Variants in MUC17 observed in about 807,000 individuals in gnomAD.
MUC17 encodes mucin-17.
A neutral mutation model predicts 170.3 loss-of-function variants in MUC17; 190 were observed. The ratio of observed to expected loss-of-function variants is 1.12; its 90% CI spans 0.99 to 1.26. MUC17 has a LOEUF of 1.26. Ranked by LOEUF, MUC17 falls within the 50% of genes most tolerant of loss-of-function variation. The probability of loss-of-function intolerance (pLI) is 0.00; values close to 1 mark genes in which losing one functional copy is unlikely to be tolerated. For missense variants in MUC17, 6,415 were observed against 5,530.0 expected (o/e 1.16, Z -5.08); for synonymous variants, 2,325 against 2,002.5 (o/e 1.16, Z -4.30).
At position 101,032,947 on chromosome 7, in the gene MUC17, A is replaced by C; in HGVS notation, c.1531A>C (p.Thr511Pro). ...AACCTCAACTCCTAGTGAAGGAAGCACTCCATTAACAAGTATGTCTGTCAG... is the reference window on the plus strand; with the variant it reads ...AACCTCAACTCCTAGTGAAGGAAGCCCTCCATTAACAAGTATGTCTGTCAG... ...MPTSTPSEGS[T>P]PLTSMSVSTM... The change falls in exon 3 of 13, where the codon ACT (threonine) becomes CCT (proline). Residue 511 changes from threonine (T) to proline (P), a missense_variant. Physicochemically the swap from Thr to Pro is conservative, Grantham distance 38. Transcript: ENST00000306151. The C allele has an allele frequency of 1.2e-6, 2 of 1,613,900 alleles. No homozygotes were observed. The highest frequency in any genetic ancestry group is 1.7e-6 in the Non-Finnish European group (2 of 1,179,996).
intron 1 of MUC17, among the ~76,000 whole-genome samples, chr7:101,029,241 A>T (rs1794234641): frequency 6.6e-6 from 1 of 151,736 alleles, no homozygotes; most frequent in Admixed American, 6.6e-5. Flanking sequence ...CTGTAATCCC[A>T]GCTACTCAGG....
chr7:101,048,644 G>A (rs543081104), intron 4 of MUC17, among the ~76,000 whole-genome samples: 58 of 150,222 alleles, frequency 3.9e-4, no homozygotes, highest in Admixed American at 3.3e-3. Flanking sequence ...AAAGAAAGAG[G>A]GAAAGAGATA....
At position 101,037,398 on chromosome 7, in the gene MUC17, C is replaced by T. The variant is rs1794521682; in HGVS notation, c.5982C>T (p.Thr1994=). Residue 1994 remains threonine (T), a synonymous_variant, in exon 3 of 13, where the codon ACC becomes ACT. Coordinates refer to ENST00000306151, the MANE Select transcript of MUC17 (RefSeq NM_001040105.2). ...STPLTSMPLS[T]TLVVSSEAST... is the part of the protein sequence containing the mutation. Reference sequence around the variant, plus strand: ...CACTAACAAGTATGCCTCTCAGCACCACGCTGGTGGTCAGTTCTGAGGCTA... The same window carrying T: ...CACTAACAAGTATGCCTCTCAGCACTACGCTGGTGGTCAGTTCTGAGGCTA... The T allele has an allele frequency of 6.2e-7, 1 of 1,613,544 alleles. No homozygotes were observed.
At position 101,039,052 on chromosome 7, in the gene MUC17, G is replaced by C; in HGVS notation, c.7636G>C (p.Val2546Leu). Reference sequence around the variant, plus strand: ...AACTCCTGTTGACTCCAACAGTCCTGTGGTCACTTCTACTGAAATCAGTTC... The same window carrying C: ...AACTCCTGTTGACTCCAACAGTCCTCTGGTCACTTCTACTGAAATCAGTTC... ...STTPVDSNSP[V>L]VTSTEISSSA... Residue 2546 changes from valine (V) to leucine (L), a missense_variant, in exon 3 of 13, where the codon GTG (valine) becomes CTG (leucine). By Grantham distance (32) the Val-to-Leu change is conservative. Coordinates refer to ENST00000306151, the MANE Select transcript of MUC17 (RefSeq NM_001040105.2). 1 of 1,613,652 alleles carries C rather than the reference G, an allele frequency of 6.2e-7. No individual in the cohort carries two copies. The highest frequency in any genetic ancestry group is 8.5e-7 in the Non-Finnish European group (1 of 1,179,928).
Position 101,040,170 on chromosome 7 carries a change from G to T in MUC17, c.8754G>T (p.Met2918Ile). 1 of 1,612,062 alleles carries T rather than the reference G, an allele frequency of 6.2e-7. No individual in the cohort carries two copies. Residue 2918 changes from methionine (M) to isoleucine (I), a missense_variant, in exon 3 of 13, where the codon ATG becomes ATT. Transcript: ENST00000306151. ...SSPTTAEGTS[M>I]PISTPSEVST... Reference sequence around the variant, plus strand: ...CTACAACTGCTGAAGGTACCAGCATGCCAATCTCAACTCCTAGTGAAGTAA... The same window carrying T: ...CTACAACTGCTGAAGGTACCAGCATTCCAATCTCAACTCCTAGTGAAGTAA...
chr7:101,052,406 CAA>C (rs1049438941), intron 9 of MUC17, among the ~76,000 whole-genome samples: 3 of 152,140 alleles, frequency 2.0e-5, no homozygotes, highest in African/African-American at 7.2e-5. Flanking sequence ...TAAACAGAAC[CAA>C]AGAGAGAGAA....
rs765739979 is a variant in MUC17 at position 101,035,834 on chromosome 7, G to C, written c.4418G>C (p.Ser1473Thr). Residue 1473 changes from serine (S) to threonine (T), a missense_variant, in exon 3 of 13, where the codon AGC becomes ACC. Transcript: ENST00000306151. ...ACGCCGGTGGCCAATTCTGAGGCTA[G>C]CACCCTTTCAACAACTCCTGTTGAC... ...SNTPVANSEA[S>T]TLSTTPVDSN... 8 of 1,599,674 alleles carry C rather than the reference G, an allele frequency of 5.0e-6. No homozygotes were observed. Among genetic ancestry groups the C allele is most frequent in the Non-Finnish European group, 6.8e-6 (8 of 1,171,918 alleles).
rs753616005 is a variant in MUC17 at position 101,034,183 on chromosome 7, A to G, written c.2767A>G (p.Ser923Gly). ...SMPTSTPGEG[S>G]TPLTSMPDST... Reference sequence around the variant, plus strand: ...GCCAACCTCAACTCCTGGGGAAGGAAGCACTCCATTAACAAGTATGCCTGA... The same window carrying G: ...GCCAACCTCAACTCCTGGGGAAGGAGGCACTCCATTAACAAGTATGCCTGA... The change falls in exon 3 of 13, where the codon AGC becomes GGC. Residue 923 changes from serine (S) to glycine (G), a missense_variant. Coordinates refer to ENST00000306151, the MANE Select transcript of MUC17 (RefSeq NM_001040105.2). The G allele has an allele frequency of 6.3e-7, 1 of 1,585,880 alleles. No homozygotes were observed. Among genetic ancestry groups the G allele is most frequent in the Non-Finnish European group, 8.6e-7 (1 of 1,164,612 alleles).
In MUC17 at chr7:101,040,941, G is replaced by A; in HGVS notation, c.9525G>A (p.Leu3175=). Residue 3175 remains leucine (L), a synonymous_variant, in exon 3 of 13, where the codon CTG becomes CTA. Transcript: ENST00000306151. ...PLTYMPVSTM[L]VVSSEDSTLS... is the part of the protein sequence containing the mutation. ...CATATATGCCTGTCAGCACCATGCT[G>A]GTAGTCAGTTCTGAGGATAGCACCC... The A allele has an allele frequency of 6.2e-7, 1 of 1,613,286 alleles. No homozygotes were observed. The highest frequency in any genetic ancestry group is 8.5e-7 in the Non-Finnish European group (1 of 1,179,828).
Position 101,032,591 on chromosome 7 carries a change from G to A in MUC17, c.1175G>A (p.Ser392Asn). 1.9e-6 allele frequency: 3 copies of A among 1,613,978 alleles called. No homozygotes were observed. Among genetic ancestry groups the A allele is most frequent in the Non-Finnish European group, 2.5e-6 (3 of 1,179,976 alleles). Residue 392 changes from serine (S) to asparagine (N), a missense_variant, in exon 3 of 13, where the codon AGC becomes AAC. Coordinates refer to ENST00000306151, the MANE Select transcript of MUC17 (RefSeq NM_001040105.2). ...CTAACCTCAACTCTTAGTGAAGGAA[G>A]CACTCCATTAACAAATATGCCTGTC... is the stretch of plus-strand genomic sequence containing the variant. ...SMLTSTLSEG[S>N]TPLTNMPVST...
Position 101,032,009 on chromosome 7 carries a change from C to T in MUC17, c.593C>T (p.Pro198Leu). The T allele has an allele frequency of 1.2e-6, 2 of 1,614,196 alleles. No homozygotes were observed. The highest frequency in any genetic ancestry group is 8.5e-7 in the Non-Finnish European group (1 of 1,180,040). The change falls in exon 3 of 13, where the codon CCT becomes CTT. Residue 198 changes from proline to leucine, a missense_variant. Transcript: ENST00000306151. Reference sequence around the variant, plus strand: ...ACTTCTACTCAGGCAAGTTCATCTCCTACTACTCCTGAAAGCACCACCATA... The same window carrying T: ...ACTTCTACTCAGGCAAGTTCATCTCTTACTACTCCTGAAAGCACCACCATA... Reference protein sequence around the residue: ...LTTSTQASSSPTTPESTTIPK... With the variant: ...LTTSTQASSSLTTPESTTIPK...
At position 101,035,714 on chromosome 7, in the gene MUC17, C is replaced by A. The variant is rs772805651; in HGVS notation, c.4298C>A (p.Ala1433Asp). 5 of 1,608,668 alleles carry A rather than the reference C, an allele frequency of 3.1e-6. No individual in the cohort carries two copies. Among genetic ancestry groups the A allele is most frequent in the African/African-American group, 1.3e-5 (1 of 74,822 alleles). ...TSTPGTTSAE[A>D]TSSPTTAEGI... ...ACCCCTGGGACCACTTCTGCTGAAG[C>A]CACTTCATCTCCTACAACTGCTGAA... The change falls in exon 3 of 13, where the codon GCC becomes GAC. Residue 1433 changes from alanine to aspartate, a missense_variant. Coordinates refer to ENST00000306151, the MANE Select transcript of MUC17 (RefSeq NM_001040105.2).
chr7:101,048,174 G>A (rs1312970700), intron 4 of MUC17, 59 bp downstream of exon 4: 4 of 1,476,992 alleles, frequency 2.7e-6, no homozygotes, highest in Admixed American at 4.8e-5. Flanking sequence ...CTCCATACAA[G>A]CAACAGTTCC....
At position 101,043,796 on chromosome 7, in the gene MUC17, C is replaced by T. The variant is rs543282250; in HGVS notation, c.12380C>T (p.Pro4127Leu). Residue 4127 changes from proline to leucine, a missense_variant, in exon 3 of 13, where the codon CCT (proline) becomes CTT (leucine). Physicochemically the swap from Pro to Leu is moderately conservative, Grantham distance 98. Coordinates refer to ENST00000306151, the MANE Select transcript of MUC17 (RefSeq NM_001040105.2). ...ATTAAGAGCAACCCCACCTCAACTC[C>T]TACTGTGCCAAGAACCACAACATGT... ...TTIKSNPTST[P>L]TVPRTTTCFG... is the part of the protein sequence containing the mutation. 6.2e-7 allele frequency: 1 copy of T among 1,605,900 alleles called. No individual in the cohort carries two copies. Among genetic ancestry groups the T allele is most frequent in the Non-Finnish European group, 8.5e-7 (1 of 1,174,738 alleles).
In MUC17 at chr7:101,024,399, C is replaced by CA. The variant is rs71126353; in HGVS notation, c.82+4194dup. ...TGGGCGACAAAGTGAGACTCTATCT[C>CA]AAAAAAAAAAAAGAAAAAGAAGAAA... On this transcript the variant is annotated intron_variant, in intron 1 of 12. Coordinates refer to ENST00000306151, the MANE Select transcript of MUC17 (RefSeq NM_001040105.2). 3.5e-3 allele frequency among the ~76,000 whole-genome samples: 480 copies of CA among 138,478 alleles called. 2 individuals are homozygous for CA. Among genetic ancestry groups the CA allele is most frequent in the African/African-American group, 7.9e-3 (304 of 38,614 alleles). The allele number at this position is 138,478 out of a possible 152,430, so 90.8% of individuals were successfully genotyped here.
rs200628770 is a variant in MUC17 at position 101,033,165 on chromosome 7, C to G, written c.1749C>G (p.Val583=). Residue 583 remains valine, a synonymous_variant, in exon 3 of 13, where the codon GTC becomes GTG. Coordinates refer to ENST00000306151, the MANE Select transcript of MUC17 (RefSeq NM_001040105.2). ...TNMPVSTRLV[V]SSEASTTSTT... ...TGCCTGTCAGCACCAGGCTGGTGGT[C>G]AGTTCTGAGGCTAGCACCACTTCAA... The G allele has an allele frequency of 2.5e-6, 4 of 1,612,204 alleles. No individual in the cohort carries two copies. The African/African-American group carries it at 5.3e-5, about 22-fold the overall frequency.
rs1269689345 is a variant in MUC17 at position 101,033,455 on chromosome 7, C to T, written c.2039C>T (p.Thr680Ile). 3.7e-6 allele frequency: 6 copies of T among 1,613,214 alleles called. No homozygotes were observed. In the African/African-American group the frequency reaches 5.3e-5, roughly 14 times the overall value. Residue 680 changes from threonine (T) to isoleucine (I), a missense_variant, in exon 3 of 13, where the codon ACC becomes ATC. By Grantham distance (89) the Thr-to-Ile change is moderately conservative. Transcript: ENST00000306151. ...ACTGCGGAAGGTACCAGCATGCCAACCTCAACTTATACTGAAGGAAGCACT... is the reference window on the plus strand; with the variant it reads ...ACTGCGGAAGGTACCAGCATGCCAATCTCAACTTATACTGAAGGAAGCACT... ...STTAEGTSMP[T>I]STYTEGSTPL...
intron 1 of MUC17, among the ~76,000 whole-genome samples, chr7:101,023,870 AT>A (rs1794136335): frequency 6.6e-6 from 1 of 150,778 alleles, no homozygotes; most frequent in Non-Finnish European, 1.5e-5. Flanking sequence ...TTTTTACCAC[AT>A]CCATGCCAAC....
intron 5 of MUC17, 109 bp downstream of exon 5, chr7:101,049,081 C>T (rs1794891082): frequency 1.3e-6 from 2 of 1,522,042 alleles, no homozygotes; most frequent in African/African-American, 1.4e-5. Flanking sequence ...TGCGGGAGTT[C>T]TCTCAGGCCC....
Sources: gnomAD v4.1 joint callset for allele counts (sites outside exome capture counted in the v4.1 genomes callset) on GRCh38, gnomAD v4.1.1 for gene constraint, MANE v1.5 for transcripts, NCBI Gene and HGNC (gene_info 2026-07-23, HGNC 2026-07-21) for gene names.